IQCH: variants seen among roughly 807,000 people sequenced by gnomAD.
IQCH encodes the protein IQ domain-containing protein H.
A neutral mutation model predicts 117.0 loss-of-function variants in IQCH; 98 were observed. The observed-to-expected ratio is 0.84, with a 90% confidence interval of 0.71 to 0.99. The LOEUF (loss-of-function observed/expected upper bound fraction) is 0.99, where lower values mean the gene tolerates loss of function less well. Among genes scored for constraint, IQCH ranks in the 50% least tolerant of loss-of-function variants. The pLI is 0.00. For synonymous variants in IQCH, 412 were observed against 448.2 expected (o/e 0.92, Z 1.02); for missense variants, 1,102 against 1,243.8 (o/e 0.89, Z 1.72).
In IQCH at chr15:67,443,201, C is replaced by T. The variant is rs1405066703; in HGVS notation, c.2505+21624C>T. 6.6e-6 allele frequency among the ~76,000 whole-genome samples: 1 copy of T among 152,152 alleles called. No homozygotes were observed. The highest frequency in any genetic ancestry group is 2.4e-5 in the African/African-American group (1 of 41,432). On this transcript the variant is annotated intron_variant, in intron 16 of 20. Transcript: ENST00000335894. The surrounding 1 kb of genome is among the most constrained non-coding windows in gnomAD (Gnocchi z 5.0). ...TAGAGACGGGGTTTCACCGTGTTAA[C>T]CAGGATGGTCTCGATCTCCTGAACT...
chr15:67,394,250 A>G (rs1971383674), intron 12 of IQCH, among the ~76,000 whole-genome samples: 1 of 152,212 alleles, frequency 6.6e-6, no homozygotes, highest in Non-Finnish European at 1.5e-5. Flanking sequence ...TAATAATAGT[A>G]CTAGCTAACA....
chr15:67,345,102 G>T (rs1212140332), intron 6 of IQCH, among the ~76,000 whole-genome samples: 1 of 152,132 alleles, frequency 6.6e-6, no homozygotes, highest in Non-Finnish European at 1.5e-5. Flanking sequence ...CGATTCTCCT[G>T]CCTCAGCCTC....
intron 6 of IQCH, among the ~76,000 whole-genome samples, chr15:67,351,508 G>A (rs376735022): frequency 3.9e-5 from 6 of 152,260 alleles, no homozygotes; most frequent in South Asian, 2.1e-4. Context: ...ATGCACAAGC[G>A]TTTTTCTTGG....
intron 4 of IQCH, among the ~76,000 whole-genome samples, chr15:67,326,236 C>G (rs149284876): frequency 1.3e-5 from 2 of 152,084 alleles, no homozygotes; most frequent in African/African-American, 4.8e-5. Context: ...TTTGTCCTTG[C>G]GATAGTTTGC....
intron 5 of IQCH, among the ~76,000 whole-genome samples, chr15:67,340,483 G>A (rs1969121155): frequency 8.2e-6 from 1 of 121,998 alleles, no homozygotes; most frequent in African/African-American, 3.1e-5. Flanking sequence ...TGTCATACCT[G>A]ATTAAATAAA....
At chr15:67,371,553 T>C (rs758932570) in intron 8 of IQCH, 28 of 1,428,884 alleles carry the variant, frequency 2.0e-5, no homozygotes, top group Non-Finnish European at 2.4e-5. Context: ...TATAACATAA[T>C]GTTCCTTGTA....
At chr15:67,442,917 A>G (rs2082313658) in intron 16 of IQCH, among the ~76,000 whole-genome samples, 1 of 150,530 alleles carries the variant, frequency 6.6e-6, no homozygotes, top group Non-Finnish European at 1.5e-5. Flanking sequence ...ACACATATAT[A>G]TGATGGAATA....
At chr15:67,398,066 G>C (rs981349855) in intron 13 of IQCH, among the ~76,000 whole-genome samples, 1 of 152,024 alleles carries the variant, frequency 6.6e-6, no homozygotes, top group African/African-American at 2.4e-5. Flanking sequence ...ATTACTGTAG[G>C]GGATCCATCA....
Position 67,416,905 on chromosome 15 carries a change from T to C in IQCH, c.2098-26T>C. On this transcript the variant is annotated intron_variant, in intron 14 of 20. Coordinates refer to ENST00000335894, the MANE Select transcript of IQCH (RefSeq NM_001031715.3). The surrounding 1 kb of genome is among the most constrained non-coding windows in gnomAD (Gnocchi z 5.1). ...TTCATTTCTGTAGTAAAATTGCTTG[T>C]GGTTCTATTTAATTTGTTTCTGCAG... The C allele has an allele frequency of 6.5e-7, 1 of 1,539,556 alleles. No individual in the cohort carries two copies. The highest frequency in any genetic ancestry group is 8.7e-7 in the Non-Finnish European group (1 of 1,144,364).
At chr15:67,469,956 G>C (rs2083027540) in intron 17 of IQCH, among the ~76,000 whole-genome samples, 1 of 152,190 alleles carries the variant, frequency 6.6e-6, no homozygotes, top group African/African-American at 2.4e-5. Context: ...CCAGAGTGGA[G>C]CTTGTGCTCA....
In IQCH at chr15:67,391,777, A is replaced by G. The variant is rs1443979896; in HGVS notation, c.1632+2771A>G. On this transcript the variant is annotated intron_variant, in intron 12 of 20. Transcript: ENST00000335894. This position sits in a 1 kb window ranked among gnomAD's most constrained non-coding sequence, Gnocchi z 4.3. The stretch of plus-strand genomic sequence containing the variant: ...ACTTATTCACATTTAAATCTTTATT[A>G]AACACATATTGAACACAATACTGTG... Among the ~76,000 whole-genome samples, 1 of 152,234 alleles carries G rather than the reference A, an allele frequency of 6.6e-6. No homozygotes were observed. The highest frequency in any genetic ancestry group is 1.5e-5 in the Non-Finnish European group (1 of 68,038).
At chr15:67,361,490 C>A (rs956340402) in intron 8 of IQCH, among the ~76,000 whole-genome samples, 1 of 152,204 alleles carries the variant, frequency 6.6e-6, no homozygotes, top group East Asian at 1.9e-4. Flanking sequence ...AAATATCAAT[C>A]ATTTTTATGG....
chr15:67,412,083 G>A (rs2081464648), intron 14 of IQCH, among the ~76,000 whole-genome samples: 2 of 152,196 alleles, frequency 1.3e-5, no homozygotes, highest in East Asian at 3.9e-4. Flanking sequence ...CTTCTGATGG[G>A]AATTGCCCTA....
Position 67,344,200 on chromosome 15 carries a change from C to T in IQCH, c.637+9C>T. 4 of 1,611,796 alleles carry T rather than the reference C, an allele frequency of 2.5e-6. No homozygotes were observed. The highest frequency in any genetic ancestry group is 3.4e-6 in the Non-Finnish European group (4 of 1,179,076). ...TAAGATTCCAACTGTAGGTAAGATACTCATGCATCTCAGTTCAGTTGGGGA... is the reference window on the plus strand; with the variant it reads ...TAAGATTCCAACTGTAGGTAAGATATTCATGCATCTCAGTTCAGTTGGGGA... On this transcript the variant is annotated intron_variant, in intron 6 of 20. Transcript: ENST00000335894.
In IQCH at chr15:67,294,045, G is replaced by A. The variant is rs114085689; in HGVS notation, c.387+14533G>A. Reference sequence around the variant, plus strand: ...GGTATAATAGAGTTTTGGAAAACATGCTCTTGTAGAGCCAGAGGGTATGCC... The same window carrying A: ...GGTATAATAGAGTTTTGGAAAACATACTCTTGTAGAGCCAGAGGGTATGCC... On this transcript the variant is annotated intron_variant, in intron 4 of 20. Transcript: ENST00000335894. Among the ~76,000 whole-genome samples the A allele has an allele frequency of 6.5e-3, 997 of 152,310 alleles. 11 individuals carry two copies. Among genetic ancestry groups the A allele is most frequent in the African/African-American group, 0.023 (956 of 41,566 alleles).
intron 4 of IQCH, chr15:67,306,719 T>C (rs1178724000): frequency 3.7e-6 from 3 of 800,498 alleles, no homozygotes; most frequent in Admixed American, 4.1e-5. Context: ...CTCTGTTATG[T>C]AAAATCAATT....
intron 10 of IQCH, among the ~76,000 whole-genome samples, chr15:67,383,123 TG>T (rs201536179): frequency 6.6e-6 from 1 of 152,202 alleles, no homozygotes; most frequent in South Asian, 2.1e-4. Flanking sequence ...TTGTTGTTGT[TG>T]TTATATGTTT....
chr15:67,461,882 T>C (rs1344761962), intron 16 of IQCH, among the ~76,000 whole-genome samples: 1 of 152,202 alleles, frequency 6.6e-6, no homozygotes, highest in Non-Finnish European at 1.5e-5. Flanking sequence ...GGTGACCTAA[T>C]AGCTAACATA....
chr15:67,268,482 T>C (rs1463245054), intron 3 of IQCH, among the ~76,000 whole-genome samples: 1 of 152,220 alleles, frequency 6.6e-6, no homozygotes, highest in Non-Finnish European at 1.5e-5. Flanking sequence ...TTAATGACCA[T>C]GATTTGCTTA....
Sources: allele counts gnomAD v4.1 joint callset (sites outside exome capture counted in the v4.1 genomes callset), GRCh38; gene constraint gnomAD v4.1.1; non-coding constraint Gnocchi (gnomAD v3.1); transcripts MANE v1.5; gene names NCBI Gene and HGNC (gene_info 2026-07-23, HGNC 2026-07-21).